The following PTPRQ variants were observed in gnomAD, a reference collection of about 807,000 sequenced individuals.
PTPRQ encodes phosphatidylinositol phosphatase PTPRQ.
In PTPRQ, 199 loss-of-function variants were observed where a neutral mutation model predicts 246.0. The observed-to-expected ratio is 0.81, with a 90% confidence interval of 0.72 to 0.91. The LOEUF is 0.91. Ranked by LOEUF, PTPRQ falls within the 40% of genes least tolerant of loss-of-function variation. The probability of loss-of-function intolerance (pLI) is 0.00; values close to 1 mark genes in which losing one functional copy is unlikely to be tolerated. For synonymous variants in PTPRQ, 869 were observed against 853.2 expected (o/e 1.02, Z -0.32); for missense variants, 2,624 against 2,528.4 (o/e 1.04, Z -0.81).
intron 19 of PTPRQ, among the ~76,000 whole-genome samples, chr12:80,539,213 CAG>C (rs1479136024): frequency 6.6e-6 from 1 of 152,006 alleles, no homozygotes; most frequent in Admixed American, 6.5e-5. Context: ...CTCTACACAT[CAG>C]AGAGTACATC....
chr12:80,521,199 G>C (rs1197846519), intron 17 of PTPRQ, among the ~76,000 whole-genome samples: 2 of 152,146 alleles, frequency 1.3e-5, no homozygotes, highest in South Asian at 4.1e-4. Flanking sequence ...CCCACGTTTT[G>C]ATGGGGTTGT....
intron 25 of PTPRQ, among the ~76,000 whole-genome samples, chr12:80,552,798 C>T (rs1177507784): frequency 6.6e-6 from 1 of 150,858 alleles, no homozygotes; most frequent in African/African-American, 2.4e-5. Context: ...ACATATTGTA[C>T]TATGAACTAT....
intron 25 of PTPRQ, among the ~76,000 whole-genome samples, chr12:80,567,367 G>A (rs1027397485): frequency 6.6e-6 from 1 of 151,954 alleles, no homozygotes; most frequent in Non-Finnish European, 1.5e-5. Flanking sequence ...TCTACTTATG[G>A]GAAATGTATA....
chr12:80,629,549 G>T (rs1899341772), intron 33 of PTPRQ, among the ~76,000 whole-genome samples: 1 of 152,038 alleles, frequency 6.6e-6, no homozygotes, highest in African/African-American at 2.4e-5. Flanking sequence ...GGCTCCCTAG[G>T]AGTGAGCAAG....
intron 3 of PTPRQ, among the ~76,000 whole-genome samples, chr12:80,453,144 C>A (rs557030956): frequency 6.6e-6 from 1 of 152,154 alleles, no homozygotes; most frequent in Non-Finnish European, 1.5e-5. Flanking sequence ...ACCCTTTCTT[C>A]CAGTTGATCG....
At chr12:80,619,040 T>G (rs1055233743) in intron 30 of PTPRQ, among the ~76,000 whole-genome samples, 2 of 151,460 alleles carry the variant, frequency 1.3e-5, no homozygotes, top group Non-Finnish European at 3.0e-5. Flanking sequence ...CAAAAGAAAC[T>G]ACACTAAAAT....
chr12:80,480,929 G>A (rs1164602180), intron 8 of PTPRQ, among the ~76,000 whole-genome samples: 20 of 152,156 alleles, frequency 1.3e-4, no homozygotes, highest in South Asian at 4.2e-4. Context: ...ATTCACAGCC[G>A]AATTCTACCA....
Position 80,493,260 on chromosome 12 carries a change from T to C in PTPRQ, c.1360-15T>C. The C allele has an allele frequency of 1.4e-6, 2 of 1,428,302 alleles. No individual in the cohort carries two copies. The highest frequency in any genetic ancestry group is 1.8e-6 in the Non-Finnish European group (2 of 1,086,928). 88.5% of individuals were successfully genotyped at this position (1,428,302 alleles called of 1,614,324 possible). A position where few individuals can be genotyped will look rare whatever the true frequency, so the allele number is the denominator to read the frequency against. On this transcript the variant is annotated splice_polypyrimidine_tract_variant and intron_variant, in intron 9 of 44. Transcript: ENST00000644991. Reference sequence around the variant, plus strand: ...AACTGTCACAGTCTTTTAAAATATCTACTTTTAATTACAGTATATAAATGA... The same window carrying C: ...AACTGTCACAGTCTTTTAAAATATCCACTTTTAATTACAGTATATAAATGA...
Position 80,444,810 on chromosome 12 carries a change from A to T in PTPRQ, c.124A>T (p.Thr42Ser). 6.5e-7 allele frequency: 1 copy of T among 1,537,924 alleles called. No homozygotes were observed. Among genetic ancestry groups the T allele is most frequent in the South Asian group, 1.2e-5 (1 of 83,214 alleles). Residue 42 changes from threonine to serine, a missense_variant, in exon 2 of 45, where the codon ACC becomes TCC. Coordinates refer to ENST00000644991, the MANE Select transcript of PTPRQ (RefSeq NM_001145026.2). ...CATCTCTTCAATTTCTACAACATAC[A>T]CCTCACCTGTTACTAGAATAGTGAC... ...ITISSISTTY[T>S]SPVTRIVTTN...
chr12:80,641,924 CCT>C (rs370972941), intron 35 of PTPRQ, among the ~76,000 whole-genome samples: 3 of 147,932 alleles, frequency 2.0e-5, no homozygotes, highest in African/African-American at 5.0e-5. Flanking sequence ...TCCCTCCTTC[CCT>C]CTCTCTCTAT....
chr12:80,516,885 A>G (rs924041786), intron 17 of PTPRQ, among the ~76,000 whole-genome samples: 2 of 152,220 alleles, frequency 1.3e-5, no homozygotes, highest in Non-Finnish European at 2.9e-5. Context: ...AGGCAGCAGG[A>G]ATGACTGTCA....
At chr12:80,580,977 G>A (rs1466622325) in intron 25 of PTPRQ, among the ~76,000 whole-genome samples, 1 of 152,144 alleles carries the variant, frequency 6.6e-6, no homozygotes, top group African/African-American at 2.4e-5. Flanking sequence ...GTCTGTGAAC[G>A]AATATTGATC....
chr12:80,609,638 C>A (rs1230798785), intron 27 of PTPRQ, among the ~76,000 whole-genome samples: 1 of 150,554 alleles, frequency 6.6e-6, no homozygotes, highest in Admixed American at 6.7e-5. Flanking sequence ...TGCCTAAAGA[C>A]ACTCATTTAT....
chr12:80,512,741 T>G (rs1345698846), intron 17 of PTPRQ: 1 of 152,202 alleles, frequency 6.6e-6, no homozygotes, highest in Non-Finnish European at 1.5e-5. Flanking sequence ...TGGGTAAATA[T>G]TCAATCAATT....
intron 25 of PTPRQ, among the ~76,000 whole-genome samples, chr12:80,574,960 T>G (rs1294326513): frequency 6.6e-6 from 1 of 152,218 alleles, no homozygotes; most frequent in Non-Finnish European, 1.5e-5. Flanking sequence ...AGCCTCATAC[T>G]TTATTCTCTG....
At chr12:80,490,579 T>A (rs944956793) in intron 9 of PTPRQ, among the ~76,000 whole-genome samples, 1 of 151,958 alleles carries the variant, frequency 6.6e-6, no homozygotes, top group South Asian at 2.1e-4. Context: ...GAAACATGTG[T>A]TAATCTTTGA....
chr12:80,673,736 T>C (rs969283138), intron 43 of PTPRQ, among the ~76,000 whole-genome samples: 3 of 152,170 alleles, frequency 2.0e-5, no homozygotes, highest in African/African-American at 4.8e-5. Context: ...TTTATCCCTA[T>C]TGCATACCAG....
intron 25 of PTPRQ, among the ~76,000 whole-genome samples, chr12:80,578,607 A>G (rs555739668): frequency 6.6e-6 from 1 of 152,044 alleles, no homozygotes; most frequent in East Asian, 2.0e-4. Flanking sequence ...GTTAGCCAGG[A>G]TGGTCTGGAT....
At chr12:80,484,628 A>G (rs750132916) in intron 9 of PTPRQ, 23 bp downstream of exon 9, 14 of 1,546,754 alleles carry the variant, frequency 9.1e-6, no homozygotes, top group South Asian at 2.4e-5. Context: ...TATTTCACTT[A>G]TTGGTGAACC....
Sources: gnomAD v4.1 joint callset for allele counts (sites outside exome capture counted in the v4.1 genomes callset) on GRCh38, gnomAD v4.1.1 for gene constraint, MANE v1.5 for transcripts, NCBI Gene and HGNC (gene_info 2026-07-23, HGNC 2026-07-21) for gene names.